CSMD1: variants seen among roughly 807,000 people sequenced by gnomAD.
CSMD1 encodes the protein CUB and sushi domain-containing protein 1.
CSMD1 carries 213 observed loss-of-function variants against 417.5 expected under a neutral mutation model. The observed-to-expected ratio is 0.51, with a 90% CI of 0.46 to 0.57. The LOEUF is 0.57. Ranked by LOEUF, CSMD1 falls within the 20% of genes least tolerant of loss-of-function variation. The pLI is 0.00. For missense variants in CSMD1, 6,923 were observed against 4,529.7 expected (o/e 1.53, Z -15.17); for synonymous variants, 2,862 against 1,736.8 (o/e 1.65, Z -16.11).
intron 1 of CSMD1, among the ~76,000 whole-genome samples, chr8:4,855,168 C>A (rs533507851): frequency 1.0e-4 from 15 of 150,572 alleles, no homozygotes; most frequent in African/African-American, 3.4e-4. Flanking sequence ...ACACCTCACA[C>A]GGCAGGGTAC....
At position 3,729,876 on chromosome 8, in the gene CSMD1, C is replaced by T. The variant is rs376542797; in HGVS notation, c.932-21385G>A. 2.4e-3 allele frequency among the ~76,000 whole-genome samples: 317 copies of T among 133,502 alleles called. 2 individuals carry two copies. Among genetic ancestry groups the T allele is most frequent in the African/African-American group, 9.0e-3 (305 of 33,726 alleles). The allele number at this position is 133,502 out of a possible 152,430, so 87.6% of individuals were successfully genotyped here. A position where few individuals can be genotyped will look rare whatever the true frequency, so the allele number is the denominator to read the frequency against. The stretch of plus-strand genomic sequence containing the variant: ...TATTGAAGCACGTATCAAAACATCA[C>T]ACTGTACTCCCCAAATCTACAGAAT... On this transcript the variant is annotated intron_variant, in intron 6 of 69. Transcript: ENST00000635120.
intron 53 of CSMD1, among the ~76,000 whole-genome samples, chr8:2,998,401 A>C (rs553445825): frequency 1.3e-5 from 2 of 152,342 alleles, no homozygotes; most frequent in East Asian, 3.9e-4. Flanking sequence ...TGTGGAAAAT[A>C]ACAAACACCT....
At chr8:3,535,830 G>C (rs776340927) in intron 10 of CSMD1, among the ~76,000 whole-genome samples, 2 of 152,150 alleles carry the variant, frequency 1.3e-5, no homozygotes, top group Non-Finnish European at 2.9e-5. Flanking sequence ...TCTCCCACCA[G>C]TTTTTGTATA....
At chr8:4,134,887 G>T (rs1348694441) in intron 3 of CSMD1, among the ~76,000 whole-genome samples, 3 of 152,134 alleles carry the variant, frequency 2.0e-5, no homozygotes, top group Non-Finnish European at 2.9e-5. Flanking sequence ...TACACAAATT[G>T]CTCGGAAGGC....
At chr8:3,955,614 G>A (rs1460525641) in intron 5 of CSMD1, among the ~76,000 whole-genome samples, 2 of 151,948 alleles carry the variant, frequency 1.3e-5, no homozygotes, top group Admixed American at 1.3e-4. Flanking sequence ...TTGTAGTATT[G>A]AATATCTCAT....
At chr8:3,224,931 T>C (rs1174557797) in intron 27 of CSMD1, among the ~76,000 whole-genome samples, 1 of 152,244 alleles carries the variant, frequency 6.6e-6, no homozygotes, top group Non-Finnish European at 1.5e-5. Context: ...TTATATCAAA[T>C]ACTGTGGTTT....
intron 5 of CSMD1, among the ~76,000 whole-genome samples, chr8:3,761,376 G>A (rs1225354594): frequency 4.0e-5 from 6 of 151,544 alleles, no homozygotes; most frequent in Non-Finnish European, 7.4e-5. Context: ...TTGTGCACAC[G>A]TATATACTAT....
rs1373761177 is a variant in CSMD1 at position 4,266,588 on chromosome 8, G to C, written c.415+153365C>G. 5.7e-5 allele frequency among the ~76,000 whole-genome samples: 6 copies of C among 104,592 alleles called. 2 individuals carry two copies. The highest frequency in any genetic ancestry group is 4.5e-4 in the Admixed American group (5 of 11,086). 68.6% of individuals were successfully genotyped at this position (104,592 alleles called of 152,430 possible). A position where few individuals can be genotyped will look rare whatever the true frequency, so the allele number is the denominator to read the frequency against. On this transcript the variant is annotated intron_variant, in intron 3 of 69. Coordinates refer to ENST00000635120, the MANE Select transcript of CSMD1 (RefSeq NM_033225.6). The stretch of plus-strand genomic sequence containing the variant: ...CAATTTTAAACAAGTACACCATACA[G>C]GTATGTCCCCACTAATGGCGTAAAG...
chr8:3,207,099 C>T (rs910024771), intron 30 of CSMD1, among the ~76,000 whole-genome samples: 1 of 149,294 alleles, frequency 6.7e-6, no homozygotes, highest in East Asian at 1.9e-4. Flanking sequence ...GATTATATTT[C>T]TACAGCTCAT....
chr8:3,553,579 T>C lies in CSMD1; in HGVS notation c.1344+21366A>G, dbSNP rs75763551. ...ATCCAACAATTACAGCTCTACCTTT[T>C]ATCAGAACATAAACCATAACTGTGA... On this transcript the variant is annotated intron_variant, in intron 10 of 69. Coordinates refer to ENST00000635120, the MANE Select transcript of CSMD1 (RefSeq NM_033225.6). Among the ~76,000 whole-genome samples the C allele has an allele frequency of 1.8e-3, 276 of 152,344 alleles. 5 individuals carry two copies. In the East Asian group the frequency reaches 0.038, roughly 21 times the overall value.
intron 11 of CSMD1, among the ~76,000 whole-genome samples, chr8:3,470,140 C>T (rs1817004620): frequency 1.3e-5 from 2 of 152,168 alleles, no homozygotes; most frequent in South Asian, 2.1e-4. Flanking sequence ...ATCCTCTCCT[C>T]CCATCTTGCC....
At chr8:3,671,443 A>C (rs1448254930) in intron 7 of CSMD1, among the ~76,000 whole-genome samples, 1 of 145,350 alleles carries the variant, frequency 6.9e-6, no homozygotes, top group African/African-American at 2.5e-5. Flanking sequence ...AGTCACATAT[A>C]ATCATATATA....
intron 5 of CSMD1, among the ~76,000 whole-genome samples, chr8:3,791,840 A>ATAAT (rs141522450): frequency 5.5e-4 from 83 of 151,640 alleles, no homozygotes; most frequent in African/African-American, 2.0e-3. Flanking sequence ...AATAATAATA[A>ATAAT]AAAAATAATG....
intron 5 of CSMD1, among the ~76,000 whole-genome samples, chr8:3,765,413 A>C (rs1180284607): frequency 6.6e-6 from 1 of 152,072 alleles, no homozygotes; most frequent in Non-Finnish European, 1.5e-5. Context: ...CATTTGTTTC[A>C]TAGGCTTCCC....
At chr8:4,275,274 T>A (rs1056634613) in intron 3 of CSMD1, among the ~76,000 whole-genome samples, 19 of 152,172 alleles carry the variant, frequency 1.2e-4, no homozygotes, top group Admixed American at 1.2e-3. Context: ...ATATGACTTC[T>A]CTTTTATGTT....
chr8:4,191,941 C>G (rs1799057273), intron 3 of CSMD1, among the ~76,000 whole-genome samples: 1 of 152,168 alleles, frequency 6.6e-6, no homozygotes, highest in African/African-American at 2.4e-5. Flanking sequence ...CTCCCTTAAA[C>G]CAACTGCACC....
chr8:4,240,438 C>T (rs981692123), intron 3 of CSMD1, among the ~76,000 whole-genome samples: 1 of 152,200 alleles, frequency 6.6e-6, no homozygotes, highest in African/African-American at 2.4e-5. Context: ...TCAAGATTCA[C>T]TTGTGAACTT....
intron 54 of CSMD1, among the ~76,000 whole-genome samples, chr8:2,982,183 C>G (rs1805483027): frequency 6.6e-6 from 1 of 152,056 alleles, no homozygotes; most frequent in African/African-American, 2.4e-5. Flanking sequence ...CGGCGAAACC[C>G]CATCTCTATT....
intron 1 of CSMD1, among the ~76,000 whole-genome samples, chr8:4,980,285 T>G (rs1181391455): frequency 6.6e-6 from 1 of 152,196 alleles, no homozygotes; most frequent in Non-Finnish European, 1.5e-5. Flanking sequence ...AGCATGCTGC[T>G]CTTCCCAGAG....
Sources: allele counts gnomAD v4.1 joint callset (sites outside exome capture counted in the v4.1 genomes callset), GRCh38; gene constraint gnomAD v4.1.1; transcripts MANE v1.5; gene names NCBI Gene and HGNC (gene_info 2026-07-23, HGNC 2026-07-21).